Variants in SLC35E4 observed in about 807,000 individuals in gnomAD.
SLC35E4 encodes the protein solute carrier family 35, member E4.
A neutral mutation model predicts 19.3 loss-of-function variants in SLC35E4; 15 were observed. The ratio of observed to expected loss-of-function variants is 0.78; its 90% CI spans 0.52 to 1.20. SLC35E4 has a LOEUF of 1.20. Among genes scored for constraint, SLC35E4 ranks in the 50% most tolerant of loss-of-function variants. The pLI is 0.00. For missense variants in SLC35E4, 406 were observed against 472.3 expected (o/e 0.86, Z 1.30); for synonymous variants, 219 against 219.9 (o/e 1.00, Z 0.04).
chr22:30,642,729 CAAA>C (rs34842452), intron 1 of SLC35E4, among the ~76,000 whole-genome samples: 1,187 of 87,096 alleles, frequency 0.014, 11 homozygotes, highest in African/African-American at 0.057. Flanking sequence ...GGCAACATCT[CAAA>C]AAAAAAAAAA....
downstream of SLC35E4, among the ~76,000 whole-genome samples, chr22:30,666,519 G>T (rs922947893): frequency 6.6e-6 from 1 of 150,630 alleles, no homozygotes; most frequent in Non-Finnish European, 1.5e-5. Context: ...CTACTCAGGA[G>T]GCTGAGACGG....
intron 1 of SLC35E4, among the ~76,000 whole-genome samples, chr22:30,640,010 G>T (rs1041512841): frequency 6.6e-6 from 1 of 152,156 alleles, no homozygotes; most frequent in Admixed American, 6.5e-5. Flanking sequence ...TTGCAGTAAA[G>T]ACAGGCGTAA....
At position 30,647,266 on chromosome 22, in the gene SLC35E4, C is replaced by CG. The variant is rs1271351616; in HGVS notation, c.*236dup. The CG allele has an allele frequency of 1.8e-6, 1 of 548,346 alleles. No homozygotes were observed. The highest frequency in any genetic ancestry group is 3.2e-6 in the Non-Finnish European group (1 of 313,164). 34.0% of individuals were successfully genotyped at this position (548,346 alleles called of 1,614,324 possible). On this transcript the variant is annotated 3_prime_UTR_variant, in exon 2 of 2. Coordinates refer to ENST00000343605, the MANE Select transcript of SLC35E4 (RefSeq NM_001001479.4). ...TAGAAAAATTAGCTGGGCATGGTGG[C>CG]GCGTGCCTATAGTCCCAGCTACATG...
chr22:30,660,304 G>GA (rs111263600), intron 2 of SLC35E4, among the ~76,000 whole-genome samples: 78 of 91,692 alleles, frequency 8.5e-4, no homozygotes, highest in East Asian at 2.6e-3. Flanking sequence ...GCAGCAGAGA[G>GA]AAAAAAATTT....
chr22:30,663,911 A>C, downstream of SLC35E4: 1 of 1,614,204 alleles, frequency 6.2e-7, no homozygotes, highest in Non-Finnish European at 8.5e-7. Flanking sequence ...CGGCCACACC[A>C]TTGCTGATAT....
At position 30,636,720 on chromosome 22, in the gene SLC35E4, A is replaced by G. The variant is rs1179883699; in HGVS notation, c.270A>G (p.Ala90=). 1 of 1,611,824 alleles carries G rather than the reference A, an allele frequency of 6.2e-7. No individual in the cohort carries two copies. The highest frequency in any genetic ancestry group is 2.2e-5 in the East Asian group (1 of 44,840). ...LLLSALHMLV[A]ALACHRGARR... ...TGTCGGCCCTGCACATGCTGGTGGC[A>G]GCCCTGGCATGCCACCGGGGGGCAC... Residue 90 remains alanine, a synonymous_variant, in exon 1 of 2, where the codon GCA becomes GCG. Coordinates refer to ENST00000343605, the MANE Select transcript of SLC35E4 (RefSeq NM_001001479.4).
At position 30,637,077 on chromosome 22, in the gene SLC35E4, C is replaced by A; in HGVS notation, c.619+8C>A. The A allele has an allele frequency of 1.3e-6, 2 of 1,549,200 alleles. No homozygotes were observed. The highest frequency in any genetic ancestry group is 2.4e-5 in the South Asian group (2 of 82,882). ...TCAAGTCGGTTCAGCAAAGTAAGTGCCTGGGTGGCCAATTGAGAAGGTGGG... is the reference window on the plus strand; with the variant it reads ...TCAAGTCGGTTCAGCAAAGTAAGTGACTGGGTGGCCAATTGAGAAGGTGGG... On this transcript the variant is annotated splice_region_variant and intron_variant, in intron 1 of 1. Transcript: ENST00000343605.
downstream of SLC35E4, chr22:30,647,952 C>T (rs2088162436): frequency 6.6e-6 from 1 of 152,170 alleles, no homozygotes; most frequent in South Asian, 2.1e-4. Flanking sequence ...AGGCTTCCCA[C>T]ACAGAAACTA....
At chr22:30,668,513 G>C (rs2088759313) in exon 3 of SLC35E4, 1 of 152,464 alleles carries the variant, frequency 6.6e-6, no homozygotes, top group Non-Finnish European at 1.5e-5. Flanking sequence ...GGACTCCCGG[G>C]AGAACCTGGA....
intron 1 of SLC35E4, among the ~76,000 whole-genome samples, chr22:30,643,950 C>G (rs770095664): frequency 1.3e-5 from 2 of 152,176 alleles, no homozygotes; most frequent in Non-Finnish European, 2.9e-5. Flanking sequence ...TTTCCCTGGG[C>G]TGCAGGGAGG....
chr22:30,638,501 C>CAA (rs33962458), intron 1 of SLC35E4, among the ~76,000 whole-genome samples: 101 of 64,006 alleles, frequency 1.6e-3, no homozygotes, highest in Admixed American at 1.8e-3. Flanking sequence ...GACTCCATCT[C>CAA]AAAAAAAAAA....
chr22:30,638,717 T>G (rs1000548381), intron 1 of SLC35E4, among the ~76,000 whole-genome samples: 7 of 151,830 alleles, frequency 4.6e-5, no homozygotes, highest in Admixed American at 4.6e-4. Context: ...GAGGCTGAGG[T>G]GAGAGAATCG....
downstream of SLC35E4, among the ~76,000 whole-genome samples, chr22:30,651,395 G>A (rs201091103): frequency 3.2e-3 from 172 of 53,974 alleles, no homozygotes; most frequent in African/African-American, 0.016. Context: ...GTGTGTGTGT[G>A]TGTGTATATA....
At position 30,637,002 on chromosome 22, in the gene SLC35E4, A is replaced by AC; in HGVS notation, c.557dup (p.Thr187TyrfsTer83). The AC allele has an allele frequency of 1.2e-6, 2 of 1,606,714 alleles. No homozygotes were observed. Among genetic ancestry groups the AC allele is most frequent in the Non-Finnish European group, 1.7e-6 (2 of 1,175,492 alleles). The stretch of plus-strand genomic sequence containing the variant: ...GCAGCCTGGCTGGAGAGTTCCGGAC[A>AC]CCCCCTACCGGCTGTGGCTTCCTGC... On this transcript the variant is annotated frameshift_variant, in exon 1 of 2. Coordinates refer to ENST00000343605, the MANE Select transcript of SLC35E4 (RefSeq NM_001001479.4). LOFTEE classifies it high-confidence loss of function.
At chr22:30,642,600 G>A (rs2145579126) in intron 1 of SLC35E4, among the ~76,000 whole-genome samples, 1 of 151,918 alleles carries the variant, frequency 6.6e-6, no homozygotes, top group South Asian at 2.1e-4. Context: ...AATTAGCTGG[G>A]CATGCTGGTG....
At position 30,647,278 on chromosome 22, in the gene SLC35E4, G is replaced by A. The variant is rs1015202271; in HGVS notation, c.*247G>A. On this transcript the variant is annotated 3_prime_UTR_variant, in exon 2 of 2. Transcript: ENST00000343605. ...CTGGGCATGGTGGCGCGTGCCTATA[G>A]TCCCAGCTACATGGGAGGCTAAGGT... The A allele has an allele frequency of 8.2e-5, 42 of 511,954 alleles. No homozygotes were observed. The highest frequency in any genetic ancestry group is 7.5e-4 in the African/African-American group (39 of 51,964). 31.7% of individuals were successfully genotyped at this position (511,954 alleles called of 1,614,324 possible). A position where few individuals can be genotyped will look rare whatever the true frequency, so the allele number is the denominator to read the frequency against.
intron 2 of SLC35E4, chr22:30,654,515 T>G: frequency 2.3e-6 from 1 of 428,726 alleles, no homozygotes; most frequent in Non-Finnish European, 4.6e-6. Context: ...GAGGCGGTCT[T>G]GGGCGGCCTG....
At chr22:30,649,063 A>C, downstream of SLC35E4, 1 of 657,126 alleles carries the variant, frequency 1.5e-6, no homozygotes, top group African/African-American at 1.8e-5. Flanking sequence ...CCTCTCCTGG[A>C]GATCACCTGT....
At chr22:30,641,121 CCACAGGGCTGTGAAGGT>C (rs1259784469) in intron 1 of SLC35E4, among the ~76,000 whole-genome samples, 4 of 152,230 alleles carry the variant, frequency 2.6e-5, no homozygotes, top group African/African-American at 9.6e-5. Flanking sequence ...CCTGTGCAGG[CCACAGGGCTGTGAAGGT>C]CCTAACCTCA....
Sources: gnomAD v4.1 joint callset for allele counts (sites outside exome capture counted in the v4.1 genomes callset) on GRCh38, gnomAD v4.1.1 for gene constraint, MANE v1.5 for transcripts, NCBI Gene and HGNC (gene_info 2026-07-23, HGNC 2026-07-21) for gene names.